Variants in RORB observed in about 807,000 individuals in gnomAD.
RORB encodes the protein nuclear receptor ROR-beta.
A neutral mutation model predicts 59.1 loss-of-function variants in RORB; 6 were observed. The observed-to-expected ratio is 0.10, with a 90% CI of 0.06 to 0.20. RORB has a LOEUF of 0.20. Ranked by LOEUF, RORB falls within the 10% of genes least tolerant of loss-of-function variation. The probability of loss-of-function intolerance (pLI) is 1.00; values close to 1 mark genes in which losing one functional copy is unlikely to be tolerated. For synonymous variants in RORB, 215 were observed against 204.5 expected, an observed-to-expected ratio of 1.05 and a Z score of -0.44; for missense variants, 320 against 560.5, an observed-to-expected ratio of 0.57 and a Z score of 4.33.
intron 1 of RORB, among the ~76,000 whole-genome samples, chr9:74,629,435 G>A (rs1036428239): frequency 6.6e-6 from 1 of 151,648 alleles, no homozygotes; most frequent in Non-Finnish European, 1.5e-5. Context: ...TTACATTATA[G>A]CCAAGTTATT....
chr9:74,627,685 A>G (rs1054253581), intron 1 of RORB, among the ~76,000 whole-genome samples: 1 of 152,158 alleles, frequency 6.6e-6, no homozygotes, highest in African/African-American at 2.4e-5. Flanking sequence ...ATTTATGCAA[A>G]GAGAACCTTT....
intron 1 of RORB, among the ~76,000 whole-genome samples, chr9:74,586,046 G>T (rs1822794286): frequency 6.6e-6 from 1 of 151,802 alleles, no homozygotes; most frequent in Non-Finnish European, 1.5e-5. Context: ...CGCCCGCCTC[G>T]ACCTCCCAAA....
At chr9:74,678,201 G>A (rs930770995) in intron 9 of RORB, among the ~76,000 whole-genome samples, 1 of 152,126 alleles carries the variant, frequency 6.6e-6, no homozygotes, top group Non-Finnish European at 1.5e-5. Flanking sequence ...CTTCTAAGTG[G>A]GAGAGCCAGA....
intron 1 of RORB, among the ~76,000 whole-genome samples, chr9:74,596,802 T>C (rs1299304877): frequency 6.6e-6 from 1 of 152,212 alleles, no homozygotes; most frequent in Admixed American, 6.5e-5. Flanking sequence ...ATATTTAAGC[T>C]AATTAAAATG....
intron 1 of RORB, among the ~76,000 whole-genome samples, chr9:74,528,920 T>C (rs535749962): frequency 1.7e-4 from 26 of 152,158 alleles, no homozygotes; most frequent in African/African-American, 6.0e-4. Context: ...CCTAAGCTTG[T>C]GTACTCACTC....
Position 74,692,984 on chromosome 9 carries a change from AAG to A in RORB, c.*7369_*7370del, listed in dbSNP as rs772801729. The A allele has an allele frequency of 8.5e-5, 13 of 152,170 alleles. No homozygotes were observed. The highest frequency in any genetic ancestry group is 1.6e-4 in the Non-Finnish European group (11 of 68,026). The allele number at this position is 152,170 out of a possible 1,614,324, so 9.4% of individuals were successfully genotyped here. ...AAACAGCACTCCCTAACAATTAAAA[AAG>A]AGTTTTATATTACTTTAGAATGTAA... is the stretch of plus-strand genomic sequence containing the variant. On this transcript the variant is annotated 3_prime_UTR_variant, in exon 10 of 10. Coordinates refer to ENST00000376896, the MANE Select transcript of RORB (RefSeq NM_006914.4).
chr9:74,614,106 G>A (rs1823273537), intron 1 of RORB, among the ~76,000 whole-genome samples: 1 of 152,128 alleles, frequency 6.6e-6, no homozygotes, highest in African/African-American at 2.4e-5. Flanking sequence ...TGGGATTGCT[G>A]GGTTGAATGA....
chr9:74,545,433 A>G (rs1826473043), intron 1 of RORB, among the ~76,000 whole-genome samples: 1 of 152,212 alleles, frequency 6.6e-6, no homozygotes, highest in African/African-American at 2.4e-5. Context: ...TATAGTAAAT[A>G]TATCTAACAT....
intron 1 of RORB, among the ~76,000 whole-genome samples, chr9:74,588,677 T>C (rs1822842864): frequency 6.6e-6 from 1 of 152,192 alleles, no homozygotes; most frequent in Non-Finnish European, 1.5e-5. Context: ...ACATTTCTCA[T>C]TCTTTTTGGG....
intron 1 of RORB, among the ~76,000 whole-genome samples, chr9:74,569,342 T>C (rs1822515494): frequency 6.6e-6 from 1 of 152,046 alleles, no homozygotes; most frequent in Admixed American, 6.6e-5. Flanking sequence ...CTCAAAGACA[T>C]TGGGAATGTA....
chr9:74,682,510 G>C (rs940032411), intron 9 of RORB, among the ~76,000 whole-genome samples: 1 of 151,918 alleles, frequency 6.6e-6, no homozygotes, highest in Non-Finnish European at 1.5e-5. Context: ...ACAGAAATAG[G>C]ATTCAAACCC....
chr9:74,602,412 G>A (rs1823080198), intron 1 of RORB, among the ~76,000 whole-genome samples: 1 of 152,284 alleles, frequency 6.6e-6, no homozygotes, highest in South Asian at 2.1e-4. Context: ...CACTGTGTTT[G>A]GTACTAAATG....
intron 4 of RORB, among the ~76,000 whole-genome samples, chr9:74,653,772 T>G (rs1004131402): frequency 6.6e-6 from 1 of 150,550 alleles, no homozygotes; most frequent in South Asian, 2.1e-4. Context: ...TCTGAGACAT[T>G]GTAGCCTTTG....
At chr9:74,679,199 C>T (rs1198710832) in intron 9 of RORB, among the ~76,000 whole-genome samples, 3 of 152,040 alleles carry the variant, frequency 2.0e-5, no homozygotes, top group Non-Finnish European at 4.4e-5. Flanking sequence ...GGAGCCACTA[C>T]CCAGATGATG....
chr9:74,579,758 C>T (rs1054548703), intron 1 of RORB, among the ~76,000 whole-genome samples: 1 of 152,170 alleles, frequency 6.6e-6, no homozygotes, highest in Non-Finnish European at 1.5e-5. Flanking sequence ...TGGTACCACT[C>T]AGCCTTGGCT....
At chr9:74,567,300 T>C (rs1822483775) in intron 1 of RORB, among the ~76,000 whole-genome samples, 2 of 152,138 alleles carry the variant, frequency 1.3e-5, no homozygotes, top group South Asian at 4.1e-4. Flanking sequence ...GTGCTGGAAT[T>C]ATGGGTGTGA....
rs903036940 is a variant in RORB at position 74,507,254 on chromosome 9, C to G, written c.7+9271C>G. On this transcript the variant is annotated intron_variant, in intron 1 of 9. Coordinates refer to ENST00000376896, the MANE Select transcript of RORB (RefSeq NM_006914.4). ...ACTTAAGTCTAGTGTTTTTCTCTAGCTTTTATGTAAATATGCATCATACTT... is the reference window on the plus strand; with the variant it reads ...ACTTAAGTCTAGTGTTTTTCTCTAGGTTTTATGTAAATATGCATCATACTT... Among the ~76,000 whole-genome samples the G allele has an allele frequency of 5.9e-5, 9 of 152,018 alleles. 1 individual carries two copies. The highest frequency in any genetic ancestry group is 5.9e-4 in the Admixed American group (9 of 15,226).
intron 4 of RORB, among the ~76,000 whole-genome samples, chr9:74,646,740 A>C (rs996457974): frequency 6.6e-6 from 1 of 152,214 alleles, no homozygotes; most frequent in African/African-American, 2.4e-5. Flanking sequence ...ATTTTTCTTC[A>C]AATACCTATT....
At chr9:74,646,136 A>T (rs1040802609) in intron 4 of RORB, among the ~76,000 whole-genome samples, 1 of 152,156 alleles carries the variant, frequency 6.6e-6, no homozygotes, top group South Asian at 2.1e-4. Context: ...CACCAAAAAA[A>T]AAAAAAATTT....
Sources: gnomAD v4.1 joint callset for allele counts (sites outside exome capture counted in the v4.1 genomes callset) on GRCh38, gnomAD v4.1.1 for gene constraint, MANE v1.5 for transcripts, NCBI Gene and HGNC (gene_info 2026-07-23, HGNC 2026-07-21) for gene names.